The following SUPT6H variants were observed in gnomAD, a reference collection of about 807,000 sequenced individuals.
SUPT6H encodes transcription elongation factor SPT6.
SUPT6H carries 11 observed loss-of-function variants against 222.3 expected under a neutral mutation model. The observed-to-expected ratio is 0.05, with a 90% CI of 0.03 to 0.08. The LOEUF (loss-of-function observed/expected upper bound fraction) is 0.08, where lower values mean the gene tolerates loss of function less well. Among genes scored for constraint, SUPT6H ranks in the 10% least tolerant of loss-of-function variants. The pLI, the probability that SUPT6H is intolerant of heterozygous loss-of-function variation, is 1.00. For synonymous variants in SUPT6H, 762 were observed against 801.2 expected (o/e 0.95, Z 0.83); for missense variants, 1,422 against 2,216.0 (o/e 0.64, Z 7.19).
chr17:28,695,321 C>T (rs1278277355), intron 28 of SUPT6H, 31 bp from the exon 29 acceptor site: 4 of 1,600,986 alleles, frequency 2.5e-6, no homozygotes, highest in Non-Finnish European at 3.4e-6. Flanking sequence ...TCATCTTTGT[C>T]CCTTCCAGCT....
intron 32 of SUPT6H, among the ~76,000 whole-genome samples, chr17:28,699,567 G>A (rs1449000872): frequency 2.0e-5 from 3 of 152,168 alleles, no homozygotes; most frequent in Non-Finnish European, 2.9e-5. Flanking sequence ...CCGGCAGTCC[G>A]TATGCAGCAC....
chr17:28,677,477 G>A (rs568100930), intron 7 of SUPT6H, among the ~76,000 whole-genome samples: 2 of 152,096 alleles, frequency 1.3e-5, no homozygotes, highest in South Asian at 2.1e-4. Flanking sequence ...CTCCGGAGGC[G>A]GAGGTTGCAG....
chr17:28,674,397 C>G lies in SUPT6H; in HGVS notation c.224C>G (p.Ser75Cys), dbSNP rs745783851. The G allele has an allele frequency of 6.2e-7, 1 of 1,613,682 alleles. No individual in the cohort carries two copies. The highest frequency in any genetic ancestry group is 1.1e-5 in the South Asian group (1 of 91,032). Residue 75 changes from serine (S) to cysteine (C), a missense_variant, in exon 3 of 37, where the codon TCT becomes TGT. This residue lies in a region of SUPT6H where 89 missense variants were observed against 118.9 expected (regional missense o/e 0.75). Transcript: ENST00000314616. ...DEGEEDEGSD[S>C]GDSEDDVGHK... is the part of the protein sequence containing the mutation. The stretch of plus-strand genomic sequence containing the variant: ...GGGGAGGAGGATGAGGGCAGTGACT[C>G]TGGTGATTCAGAAGATGATGTTGGC...
At chr17:28,699,558 C>T (rs896851517) in intron 32 of SUPT6H, among the ~76,000 whole-genome samples, 3 of 152,160 alleles carry the variant, frequency 2.0e-5, no homozygotes, top group Admixed American at 6.5e-5. Context: ...AGCCTTCCTC[C>T]GGCAGTCCGT....
intron 24 of SUPT6H, 36 bp from the exon 25 acceptor site, chr17:28,689,318 G>A (rs373461421): frequency 2.3e-5 from 37 of 1,606,860 alleles, no homozygotes; most frequent in Middle Eastern, 1.6e-4. Flanking sequence ...GAAGCTTATC[G>A]TTCTATATCC....
In SUPT6H at chr17:28,675,383, C is replaced by G; in HGVS notation, c.539-18C>G. 6.2e-7 allele frequency: 1 copy of G among 1,613,696 alleles called. No individual in the cohort carries two copies. The highest frequency in any genetic ancestry group is 2.2e-5 in the East Asian group (1 of 44,876). ...CAGCCCCTGACTCTGAGCCCCAACC[C>G]ATCCTTTTCCTACCCAGATATTGAC... On this transcript the variant is annotated intron_variant, in intron 5 of 36. Transcript: ENST00000314616.
chr17:28,700,541 T>C (rs975816866), intron 35 of SUPT6H, 29 bp downstream of exon 35: 2 of 1,606,284 alleles, frequency 1.2e-6, no homozygotes, highest in Non-Finnish European at 1.7e-6. Context: ...AAGCTCCCTG[T>C]GCAGGGTGGG....
Position 28,698,089 on chromosome 17 carries a change from G to C in SUPT6H, c.4448+59G>C, listed in dbSNP as rs182781367. ...GGGTTCATAGGCAGGCTAGAAGGCA[G>C]GGAGAGGCCCGGAGCAGTGCCCTCT... On this transcript the variant is annotated intron_variant, in intron 32 of 36. Transcript: ENST00000314616. 179 of 1,573,380 alleles carry C rather than the reference G, an allele frequency of 1.1e-4. No homozygotes were observed. In the Admixed American group the frequency reaches 3.1e-3, roughly 27 times the overall value.
chr17:28,675,269 A>C, intron 5 of SUPT6H, 107 bp downstream of exon 5: 1 of 1,488,512 alleles, frequency 6.7e-7, no homozygotes, highest in Non-Finnish European at 9.2e-7. Context: ...CCAGCATTTG[A>C]CACAAAGAAG....
At chr17:28,694,764 C>T (rs759273881) in intron 28 of SUPT6H, among the ~76,000 whole-genome samples, 1 of 152,172 alleles carries the variant, frequency 6.6e-6, no homozygotes, top group Non-Finnish European at 1.5e-5. Flanking sequence ...CTTTGGGAGG[C>T]CAAGGTGGGT....
At chr17:28,667,465 A>G (rs1415336431) in intron 1 of SUPT6H, among the ~76,000 whole-genome samples, 3 of 136,952 alleles carry the variant, frequency 2.2e-5, no homozygotes, top group South Asian at 2.4e-4. Flanking sequence ...ATATGTATGT[A>G]TATGTGTATA....
At chr17:28,687,501 A>C in intron 23 of SUPT6H, 30 bp downstream of exon 23, 5 of 1,607,248 alleles carry the variant, frequency 3.1e-6, no homozygotes, top group Non-Finnish European at 4.2e-6. Flanking sequence ...AGAAATTTTA[A>C]AACTTGCCAT....
At chr17:28,678,009 G>A in intron 8 of SUPT6H, 67 bp from the exon 9 acceptor site, 4 of 1,488,262 alleles carry the variant, frequency 2.7e-6, no homozygotes, top group Non-Finnish European at 3.7e-6. Flanking sequence ...TTGTTATTAA[G>A]CAGTCTTGTA....
At chr17:28,694,264 A>G (rs1394333888) in intron 28 of SUPT6H, among the ~76,000 whole-genome samples, 1 of 152,224 alleles carries the variant, frequency 6.6e-6, no homozygotes, top group Non-Finnish European at 1.5e-5. Flanking sequence ...GGACCAGATG[A>G]CACAGAAGGA....
At position 28,662,343 on chromosome 17, in the gene SUPT6H, G is replaced by A. The variant is rs2072070827; in HGVS notation, c.-32+1G>A. 1 of 160,880 alleles carries A rather than the reference G, an allele frequency of 6.2e-6. No homozygotes were observed. The allele number at this position is 160,880 out of a possible 1,614,324, so 10.0% of individuals were successfully genotyped here. ...TGGAGGAGCGGCGGGCTTCAGACAGGTAAAGTTCCGACTGGAGAGCGTGTT... is the reference window on the plus strand; with the variant it reads ...TGGAGGAGCGGCGGGCTTCAGACAGATAAAGTTCCGACTGGAGAGCGTGTT... On this transcript the variant is annotated splice_donor_variant, in intron 1 of 36. Transcript: ENST00000314616. LOFTEE classifies it low-confidence loss of function (5UTR_SPLICE).
chr17:28,674,235 T>A (rs1480482399), intron 2 of SUPT6H, 48 bp from the exon 3 acceptor site: 1 of 1,610,650 alleles, frequency 6.2e-7, no homozygotes, highest in Non-Finnish European at 8.5e-7. Context: ...ACCCTGAACC[T>A]CTAGCCTGTT....
At chr17:28,700,014 C>T (rs1197769815) in intron 33 of SUPT6H, 121 bp downstream of exon 33, 4 of 1,364,380 alleles carry the variant, frequency 2.9e-6, no homozygotes, top group South Asian at 2.4e-5. Flanking sequence ...CTGTCTTACT[C>T]CTCCTGCAGC....
At chr17:28,689,956 A>G in intron 25 of SUPT6H, 126 bp from the exon 26 acceptor site, 2 of 1,254,126 alleles carry the variant, frequency 1.6e-6, no homozygotes, top group Non-Finnish European at 2.2e-6. Flanking sequence ...ATGTTGATGG[A>G]AAGAAAAGAA....
At chr17:28,662,482 G>C (rs1055237552) in intron 1 of SUPT6H, 140 bp downstream of exon 1, 2 of 152,600 alleles carry the variant, frequency 1.3e-5, no homozygotes, top group Admixed American at 6.5e-5. Context: ...CTGCTCTATG[G>C]GGGGAAGGGG....
Sources: allele counts gnomAD v4.1 joint callset (sites outside exome capture counted in the v4.1 genomes callset), GRCh38; gene constraint gnomAD v4.1.1; regional missense constraint gnomAD v4.1.1; transcripts MANE v1.5; gene names NCBI Gene and HGNC (gene_info 2026-07-23, HGNC 2026-07-21).